Variants in HMGCS1 observed in about 807,000 individuals in gnomAD.
HMGCS1 encodes the protein hydroxymethylglutaryl-CoA synthase, cytoplasmic.
HMGCS1 carries 9 observed loss-of-function variants against 52.3 expected under a neutral mutation model. The ratio of observed to expected loss-of-function variants is 0.17; its 90% CI spans 0.10 to 0.30. The LOEUF (loss-of-function observed/expected upper bound fraction) is 0.30, where lower values mean the gene tolerates loss of function less well. HMGCS1 is among the 10% of genes least tolerant of loss of function. The pLI is 1.00. For synonymous variants in HMGCS1, 176 were observed against 214.4 expected, an observed-to-expected ratio of 0.82 and a Z score of 1.57; for missense variants, 320 against 620.9, an observed-to-expected ratio of 0.52 and a Z score of 5.15.
Position 43,290,180 on chromosome 5 carries a change from A to C in HMGCS1, c.*951T>G, listed in dbSNP as rs1934898075. ...CTCTATGTTGAATTTATAACACTGA[A>C]GCATCAGAAATAGCCTAATAATGCC... On this transcript the variant is annotated 3_prime_UTR_variant, in exon 11 of 11. Transcript: ENST00000325110. 3 of 152,534 alleles carry C rather than the reference A, an allele frequency of 2.0e-5. No homozygotes were observed. Among genetic ancestry groups the C allele is most frequent in the Admixed American group, 2.0e-4 (3 of 15,256 alleles). The allele number at this position is 152,534 out of a possible 1,614,324, so 9.4% of individuals were successfully genotyped here.
chr5:43,304,995 T>TC (rs1451631488), intron 2 of HMGCS1, among the ~76,000 whole-genome samples: 1 of 151,532 alleles, frequency 6.6e-6, no homozygotes, highest in Non-Finnish European at 1.5e-5. Flanking sequence ...AAATGTTACT[T>TC]TTTTTTTTGA....
intron 1 of HMGCS1, among the ~76,000 whole-genome samples, chr5:43,308,242 C>A (rs1412277760): frequency 6.6e-6 from 1 of 152,202 alleles, no homozygotes; most frequent in Non-Finnish European, 1.5e-5. Flanking sequence ...GCCTGCACTG[C>A]ATGTAACAGA....
intron 1 of HMGCS1, among the ~76,000 whole-genome samples, chr5:43,308,407 C>A (rs1754684431): frequency 6.6e-6 from 1 of 152,092 alleles, no homozygotes; most frequent in South Asian, 2.1e-4. Context: ...TGACTATTAC[C>A]TTAGTTCTTA....
At chr5:43,302,199 T>C (rs1282855959) in intron 2 of HMGCS1, among the ~76,000 whole-genome samples, 1 of 152,178 alleles carries the variant, frequency 6.6e-6, no homozygotes, top group African/African-American at 2.4e-5. Context: ...ATGCAGTTTA[T>C]ACTAGAAAAC....
At chr5:43,292,378 G>T (rs2111629976) in intron 10 of HMGCS1, 96 bp downstream of exon 10, 1 of 403,578 alleles carries the variant, frequency 2.5e-6, no homozygotes, top group Non-Finnish European at 4.1e-6. Flanking sequence ...TACTCCCAGA[G>T]CCCTTACTCT....
In HMGCS1 at chr5:43,297,990, T is replaced by C. The variant is rs139970083; in HGVS notation, c.574+19A>G. ...CATATTGTGCTAAAAAAAACAAAAATGCTTTCCCAAGCACTTACCTCGTTC... is the reference window on the plus strand; with the variant it reads ...CATATTGTGCTAAAAAAAACAAAAACGCTTTCCCAAGCACTTACCTCGTTC... On this transcript the variant is annotated intron_variant, in intron 4 of 10. Transcript: ENST00000325110. The C allele has an allele frequency of 4.2e-5, 68 of 1,605,522 alleles. No homozygotes were observed. The African/African-American group carries it at 6.9e-4, about 16-fold the overall frequency.
In HMGCS1 at chr5:43,313,397, C is replaced by T. The variant is rs529863646; in HGVS notation, c.-111G>A. On this transcript the variant is annotated 5_prime_UTR_variant, in exon 1 of 11. It adds an upstream start codon to the 5' untranslated region. Transcript: ENST00000325110. ...GCAGCAGAGGAAAGGGAGTGAGCCACGAAAGGACAGTCCGCGGCGCCTCCC... is the reference window on the plus strand; with the variant it reads ...GCAGCAGAGGAAAGGGAGTGAGCCATGAAAGGACAGTCCGCGGCGCCTCCC... 6.6e-6 allele frequency: 1 copy of T among 152,494 alleles called. No homozygotes were observed. Among genetic ancestry groups the T allele is most frequent in the South Asian group, 2.1e-4 (1 of 4,838 alleles). The allele number at this position is 152,494 out of a possible 1,614,324, so 9.4% of individuals were successfully genotyped here.
chr5:43,310,632 T>A (rs899175498), intron 1 of HMGCS1, among the ~76,000 whole-genome samples: 2 of 152,196 alleles, frequency 1.3e-5, no homozygotes, highest in African/African-American at 2.4e-5. Flanking sequence ...TATCACTTTT[T>A]AATTTTTTTT....
At chr5:43,305,450 TAGA>T (rs1754520103) in intron 2 of HMGCS1, among the ~76,000 whole-genome samples, 1 of 152,124 alleles carries the variant, frequency 6.6e-6, no homozygotes, top group Non-Finnish European at 1.5e-5. Context: ...TACCAGAGAA[TAGA>T]ATATTCTGGT....
At chr5:43,300,367 G>A (rs562519260) in intron 2 of HMGCS1, among the ~76,000 whole-genome samples, 2 of 152,320 alleles carry the variant, frequency 1.3e-5, no homozygotes, top group African/African-American at 4.8e-5. Flanking sequence ...TGGGTTATGA[G>A]TTACCTGGGC....
At position 43,298,211 on chromosome 5, in the gene HMGCS1, T is replaced by G. The variant is rs79607826; in HGVS notation, c.449-77A>C. 6,839 of 1,284,844 alleles carry G rather than the reference T, an allele frequency of 5.3e-3. 190 individuals carry two copies. The East Asian group carries it at 0.083, about 16-fold the overall frequency. 79.6% of individuals were successfully genotyped at this position (1,284,844 alleles called of 1,614,324 possible). On this transcript the variant is annotated intron_variant, in intron 3 of 10. Coordinates refer to ENST00000325110, the MANE Select transcript of HMGCS1 (RefSeq NM_001098272.3). The surrounding 1 kb of genome is among the most constrained non-coding windows in gnomAD (Gnocchi z 5.6). The stretch of plus-strand genomic sequence containing the variant: ...AACATGGAAACTGAAGTCTGTTATA[T>G]TTTCCCCAGAATATGCTTTTCCCTT...
At chr5:43,296,047 C>T in intron 5 of HMGCS1, 130 bp from the exon 6 acceptor site, 2 of 601,814 alleles carry the variant, frequency 3.3e-6, no homozygotes, top group Non-Finnish European at 5.9e-6. Flanking sequence ...ATAATGAAAC[C>T]TCTCTATACC....
chr5:43,296,031 C>T, intron 5 of HMGCS1, 114 bp from the exon 6 acceptor site: 1 of 692,514 alleles, frequency 1.4e-6, no homozygotes, highest in Non-Finnish European at 2.5e-6. Flanking sequence ...ACCACAAATA[C>T]ACTGTATAAT....
intron 7 of HMGCS1, 98 bp from the exon 8 acceptor site, chr5:43,294,260 A>G (rs755429973): frequency 6.6e-5 from 14 of 213,134 alleles, no homozygotes; most frequent in Non-Finnish European, 1.3e-4. Flanking sequence ...GGCTATAAGT[A>G]AAAGTAGAAT....
At chr5:43,301,947 C>T (rs1467004686) in intron 2 of HMGCS1, among the ~76,000 whole-genome samples, 1 of 152,232 alleles carries the variant, frequency 6.6e-6, no homozygotes, top group Non-Finnish European at 1.5e-5. Context: ...AGATCCTCTC[C>T]ACTTTGTTCT....
intron 2 of HMGCS1, among the ~76,000 whole-genome samples, chr5:43,300,041 G>A (rs973265970): frequency 6.6e-6 from 1 of 152,216 alleles, no homozygotes. Context: ...CTGCTGCTGA[G>A]CTGGAACCCA....
intron 1 of HMGCS1, among the ~76,000 whole-genome samples, chr5:43,312,220 T>G (rs1351666818): frequency 6.6e-6 from 1 of 152,240 alleles, no homozygotes; most frequent in Non-Finnish European, 1.5e-5. Flanking sequence ...GTCTTAATTT[T>G]GTTGTTTATC....
intron 8 of HMGCS1, 46 bp from the exon 9 acceptor site, chr5:43,293,019 C>T: frequency 4.0e-6 from 6 of 1,518,102 alleles, no homozygotes; most frequent in Non-Finnish European, 5.3e-6. Context: ...TTTGAAAAAT[C>T]ATGTCCAAAA....
chr5:43,297,578 C>T (rs1051290180), intron 4 of HMGCS1, among the ~76,000 whole-genome samples: 5 of 151,906 alleles, frequency 3.3e-5, no homozygotes, highest in African/African-American at 4.8e-5. Flanking sequence ...TGGTGGCTTA[C>T]GCCTGTAATC....
Sources: gnomAD v4.1 joint callset for allele counts (sites outside exome capture counted in the v4.1 genomes callset) on GRCh38, gnomAD v4.1.1 for gene constraint, Gnocchi (gnomAD v3.1) non-coding constraint, MANE v1.5 for transcripts, NCBI Gene and HGNC (gene_info 2026-07-23, HGNC 2026-07-21) for gene names.